MAP2: variants seen among roughly 807,000 people sequenced by gnomAD.
MAP2 encodes microtubule-associated protein 2.
In MAP2, 14 loss-of-function variants were observed where a neutral mutation model predicts 137.6. That is an observed-to-expected ratio of 0.10 (90% CI 0.07 to 0.16). The LOEUF (loss-of-function observed/expected upper bound fraction) is 0.16. Ranked by LOEUF, MAP2 falls within the 10% of genes least tolerant of loss-of-function variation. MAP2 has a pLI of 1.00. For synonymous variants in MAP2, 786 were observed against 782.3 expected (o/e 1.00, Z -0.08); for missense variants, 2,088 against 2,191.5 (o/e 0.95, Z 0.94).
chr2:209,616,655 A>G (rs947288912), intron 3 of MAP2, among the ~76,000 whole-genome samples: 1 of 152,018 alleles, frequency 6.6e-6, no homozygotes, highest in African/African-American at 2.4e-5. Context: ...CTGAACAAGT[A>G]TTTGCTACCA....
intron 2 of MAP2, among the ~76,000 whole-genome samples, chr2:209,532,725 A>G (rs537314695): frequency 3.9e-5 from 6 of 152,230 alleles, no homozygotes; most frequent in Non-Finnish European, 8.8e-5. Context: ...ACTCAAGACC[A>G]CAAAATAACC....
At chr2:209,453,020 A>G (rs1700665833) in intron 1 of MAP2, among the ~76,000 whole-genome samples, 1 of 152,168 alleles carries the variant, frequency 6.6e-6, no homozygotes, top group African/African-American at 2.4e-5. Context: ...TTATATTTCA[A>G]TCCTGCAATT....
chr2:209,496,366 G>T (rs2059758984), intron 1 of MAP2, among the ~76,000 whole-genome samples: 1 of 152,112 alleles, frequency 6.6e-6, no homozygotes, highest in Non-Finnish European at 1.5e-5. Flanking sequence ...ATATCTACCT[G>T]TCAAGGCAAA....
Position 209,693,477 on chromosome 2 carries a change from C to T in MAP2, c.1307C>T (p.Thr436Ile). ...FTPSGQEPIL[T>I]EKETELKLEE... ...CCCAGTGGACAGGAACCTATACTTA[C>T]TGAAAAGGAAACTGAGCTGAAGCTT... is the stretch of plus-strand genomic sequence containing the variant. The change falls in exon 8 of 16, where the codon ACT becomes ATT. Residue 436 changes from threonine (T) to isoleucine (I), a missense_variant. Thr to Ile is a moderately conservative substitution (Grantham distance 89). This residue lies in a region of MAP2 where 859 missense variants were observed against 794.5 expected (regional missense o/e 1.08). Transcript: ENST00000682079. The T allele has an allele frequency of 6.2e-7, 1 of 1,613,646 alleles. No homozygotes were observed.
At chr2:209,628,868 A>T (rs2092690110) in intron 4 of MAP2, among the ~76,000 whole-genome samples, 1 of 152,196 alleles carries the variant, frequency 6.6e-6, no homozygotes, top group Non-Finnish European at 1.5e-5. Flanking sequence ...ATGACTAGGT[A>T]TGCAAGGGTT....
At chr2:209,513,858 C>A (rs974775262) in intron 2 of MAP2, among the ~76,000 whole-genome samples, 2 of 152,052 alleles carry the variant, frequency 1.3e-5, no homozygotes, top group Non-Finnish European at 2.9e-5. Flanking sequence ...CTCACTTCAA[C>A]CCCCTCCCCA....
chr2:209,579,247 T>C (rs1352710279), intron 2 of MAP2: 1 of 144,400 alleles, frequency 6.9e-6, no homozygotes, highest in Non-Finnish European at 1.5e-5. Context: ...ACTGTTTCTC[T>C]ATTTAAGCGG....
In MAP2 at chr2:209,588,525, G is replaced by A. The variant is rs185719653; in HGVS notation, c.-107+8425G>A. ...TAACCAAAATATCTTTCTTCACCAC[G>A]TGTAGGAACTTAAGAAATGATGTCT... On this transcript the variant is annotated intron_variant, in intron 3 of 15. Transcript: ENST00000682079. 2.6e-5 allele frequency among the ~76,000 whole-genome samples: 4 copies of A among 152,192 alleles called. No homozygotes were observed. The East Asian group carries it at 5.8e-4, about 22-fold the overall frequency.
At chr2:209,720,865 C>T (rs1389835528) in intron 13 of MAP2, among the ~76,000 whole-genome samples, 2 of 151,810 alleles carry the variant, frequency 1.3e-5, no homozygotes, top group Non-Finnish European at 1.5e-5. Flanking sequence ...TTTTCTAAAA[C>T]TGAAAATCCC....
chr2:209,445,408 G>A (rs1698824460), intron 1 of MAP2, among the ~76,000 whole-genome samples: 1 of 151,666 alleles, frequency 6.6e-6, no homozygotes, highest in Admixed American at 6.6e-5. Flanking sequence ...ATTGACAAGA[G>A]TATGGTTTCA....
intron 3 of MAP2, among the ~76,000 whole-genome samples, chr2:209,587,587 C>A: frequency 6.6e-6 from 1 of 152,064 alleles, no homozygotes; most frequent in East Asian, 1.9e-4. Flanking sequence ...GAATGTAACT[C>A]TAGTCATCTC....
At chr2:209,670,752 C>T (rs1436480988) in intron 5 of MAP2, among the ~76,000 whole-genome samples, 5 of 151,678 alleles carry the variant, frequency 3.3e-5, no homozygotes, top group African/African-American at 7.3e-5. Context: ...TTTGTAAATC[C>T]GTTTCAGAAG....
rs964074088 is a variant in MAP2 at position 209,465,482 on chromosome 2, A to G, written c.-222+41206A>G. On this transcript the variant is annotated intron_variant, in intron 1 of 15. Coordinates refer to ENST00000682079, the MANE Select transcript of MAP2 (RefSeq NM_001375505.1). ...ACACACAAAATATGGTATTGCATGA[A>G]AACTGGAAAATAAATTTCTAGTCTA... 2.0e-5 allele frequency among the ~76,000 whole-genome samples: 3 copies of G among 152,164 alleles called. No individual in the cohort carries two copies. In the East Asian group the frequency reaches 5.8e-4, roughly 29 times the overall value.
chr2:209,519,127 G>T (rs1178269720), intron 2 of MAP2, among the ~76,000 whole-genome samples: 2 of 151,864 alleles, frequency 1.3e-5, no homozygotes, highest in East Asian at 1.9e-4. Flanking sequence ...AATAGAAAAA[G>T]AAAACACTTT....
At chr2:209,682,348 A>G (rs1443355460) in intron 7 of MAP2, among the ~76,000 whole-genome samples, 1 of 152,072 alleles carries the variant, frequency 6.6e-6, no homozygotes, top group African/African-American at 2.4e-5. Flanking sequence ...AAAATTAGCC[A>G]GGCATGGTGG....
At chr2:209,647,594 C>T (rs1465573599) in intron 4 of MAP2, among the ~76,000 whole-genome samples, 1 of 151,880 alleles carries the variant, frequency 6.6e-6, no homozygotes, top group African/African-American at 2.4e-5. Flanking sequence ...TGATCAATAC[C>T]AAGTCTCTTA....
intron 5 of MAP2, among the ~76,000 whole-genome samples, chr2:209,665,425 T>C (rs916512779): frequency 2.0e-5 from 3 of 152,196 alleles, no homozygotes; most frequent in Non-Finnish European, 2.9e-5. Context: ...ATTCTGTAAA[T>C]GGAACTCTAT....
intron 7 of MAP2, among the ~76,000 whole-genome samples, chr2:209,681,712 T>G (rs577038936): frequency 6.6e-6 from 1 of 152,356 alleles, no homozygotes; most frequent in African/African-American, 2.4e-5. Flanking sequence ...TTTTATTCAT[T>G]TATTCATTTA....
intron 1 of MAP2, among the ~76,000 whole-genome samples, chr2:209,450,615 C>T (rs1700093773): frequency 6.6e-6 from 1 of 152,116 alleles, no homozygotes. Flanking sequence ...TTTATATGCT[C>T]CTCAGAATGT....
Sources: allele counts gnomAD v4.1 joint callset (sites outside exome capture counted in the v4.1 genomes callset), GRCh38; gene constraint gnomAD v4.1.1; regional missense constraint gnomAD v4.1.1; transcripts MANE v1.5; gene names NCBI Gene and HGNC (gene_info 2026-07-23, HGNC 2026-07-21).